The following XKR6 variants were observed in gnomAD, a reference collection of about 807,000 sequenced individuals.
XKR6 encodes XK-related protein 6.
In XKR6, 22 loss-of-function variants were observed where a neutral mutation model predicts 56.7. The ratio of observed to expected loss-of-function variants is 0.39; its 90% CI spans 0.28 to 0.55. The LOEUF (loss-of-function observed/expected upper bound fraction) is 0.55. XKR6 is among the 20% of genes least tolerant of loss of function. XKR6 has a pLI of 0.66. For missense variants in XKR6, 852 were observed against 889.0 expected (o/e 0.96, Z 0.53); for synonymous variants, 524 against 387.8 (o/e 1.35, Z -4.13).
chr8:11,052,882 C>G (rs1417863118), intron 1 of XKR6, among the ~76,000 whole-genome samples: 1 of 152,206 alleles, frequency 6.6e-6, no homozygotes, highest in African/African-American at 2.4e-5. Context: ...CCTAGGCTTC[C>G]TGGCCACCTG....
chr8:11,097,799 C>G, intron 1 of XKR6, among the ~76,000 whole-genome samples: 1 of 120,972 alleles, frequency 8.3e-6, no homozygotes, highest in African/African-American at 3.8e-5. Context: ...AAGAGCTAGA[C>G]TCCATCTCAA....
chr8:11,104,973 G>C (rs1798623681), intron 1 of XKR6: 1 of 152,134 alleles, frequency 6.6e-6, no homozygotes, highest in Admixed American at 6.5e-5. Flanking sequence ...GGATGGTGAC[G>C]GCTGTCCTTT....
chr8:11,196,892 T>G (rs911053202), intron 1 of XKR6, among the ~76,000 whole-genome samples: 4 of 152,124 alleles, frequency 2.6e-5, no homozygotes, highest in Admixed American at 6.5e-5. Context: ...TATCCCTACA[T>G]AGAGGAGCAG....
intron 1 of XKR6, among the ~76,000 whole-genome samples, chr8:11,140,915 A>C (rs1489428846): frequency 2.0e-5 from 3 of 151,772 alleles, no homozygotes; most frequent in Admixed American, 6.6e-5. Context: ...AAAAAAAAAA[A>C]ACCTTCCTGA....
Position 10,927,632 on chromosome 8 carries a change from G to T in XKR6, c.765-2802C>A, listed in dbSNP as rs145192399. Among the ~76,000 whole-genome samples the T allele has an allele frequency of 3.3e-5, 5 of 152,198 alleles. No individual in the cohort carries two copies. In the South Asian group the frequency reaches 1.0e-3, roughly 32 times the overall value. On this transcript the variant is annotated intron_variant, in intron 1 of 2. Transcript: ENST00000416569. Reference sequence around the variant, plus strand: ...GGGAGCACCAGTTCTACCCTTCCACGCCACATTCTCCCAAAGCCACAGGCC... The same window carrying T: ...GGGAGCACCAGTTCTACCCTTCCACTCCACATTCTCCCAAAGCCACAGGCC...
intron 1 of XKR6, among the ~76,000 whole-genome samples, chr8:11,101,645 G>A (rs763433685): frequency 7.2e-5 from 11 of 152,124 alleles, no homozygotes; most frequent in Non-Finnish European, 1.3e-4. Context: ...CCTCCTTGGT[G>A]GAAACTCTCA....
At chr8:11,188,703 CCAAA>C (rs1416452247) in intron 1 of XKR6, among the ~76,000 whole-genome samples, 1 of 152,084 alleles carries the variant, frequency 6.6e-6, no homozygotes, top group Non-Finnish European at 1.5e-5. Flanking sequence ...TTCCTTATGA[CCAAA>C]CAAAATGACA....
At chr8:10,967,470 G>A (rs567596172) in intron 1 of XKR6, among the ~76,000 whole-genome samples, 8 of 152,310 alleles carry the variant, frequency 5.3e-5, no homozygotes, top group African/African-American at 1.7e-4. Context: ...GGGGCTGCCC[G>A]AAGAGGCTGT....
At chr8:11,012,538 A>G (rs1563345354) in intron 1 of XKR6, among the ~76,000 whole-genome samples, 1 of 152,090 alleles carries the variant, frequency 6.6e-6, no homozygotes, top group Non-Finnish European at 1.5e-5. Context: ...GTCCCTGGCT[A>G]CATCCCTAGT....
At chr8:11,073,125 A>G (rs1273018766) in intron 1 of XKR6, among the ~76,000 whole-genome samples, 3 of 152,194 alleles carry the variant, frequency 2.0e-5, no homozygotes, top group African/African-American at 4.8e-5. Context: ...GGTCCTGTCT[A>G]TCTTTTCCTG....
intron 1 of XKR6, among the ~76,000 whole-genome samples, chr8:11,088,851 T>G (rs994405855): frequency 1.3e-5 from 2 of 152,188 alleles, no homozygotes; most frequent in Non-Finnish European, 2.9e-5. Flanking sequence ...TGTGATCAAT[T>G]CCATGTTAGA....
chr8:11,153,013 C>T (rs979495032), intron 1 of XKR6, among the ~76,000 whole-genome samples: 1 of 152,128 alleles, frequency 6.6e-6, no homozygotes, highest in South Asian at 2.1e-4. Flanking sequence ...GTAATACTAA[C>T]AAAATCTTGC....
intron 1 of XKR6, among the ~76,000 whole-genome samples, chr8:11,162,009 TCA>T (rs1335845345): frequency 6.6e-6 from 1 of 152,148 alleles, no homozygotes; most frequent in African/African-American, 2.4e-5. Context: ...TCGTCCCACT[TCA>T]CAGAGTTCTA....
intron 1 of XKR6, among the ~76,000 whole-genome samples, chr8:11,190,702 A>G (rs1289935285): frequency 1.3e-5 from 2 of 152,178 alleles, no homozygotes; most frequent in African/African-American, 4.8e-5. Flanking sequence ...GAAGAATATC[A>G]TTCCTCCATC....
chr8:11,123,900 TC>T (rs1447808312), intron 1 of XKR6: 1 of 456,128 alleles, frequency 2.2e-6, no homozygotes, highest in Admixed American at 2.3e-5. Context: ...GGACTGCCCT[TC>T]CCTCCCTCAT....
chr8:11,082,035 G>A (rs1586519463), intron 1 of XKR6, among the ~76,000 whole-genome samples: 2 of 152,208 alleles, frequency 1.3e-5, no homozygotes, highest in African/African-American at 4.8e-5. Context: ...GGTGCCAGTT[G>A]GAGGGGAGCT....
chr8:11,123,367 T>C (rs1799553750), intron 1 of XKR6: 1 of 154,518 alleles, frequency 6.5e-6, no homozygotes, highest in Admixed American at 6.3e-5. Flanking sequence ...CATAAAGATT[T>C]TTTGTTTTTT....
chr8:10,994,657 T>G (rs1002549640), intron 1 of XKR6, among the ~76,000 whole-genome samples: 64 of 152,226 alleles, frequency 4.2e-4, no homozygotes, highest in African/African-American at 1.4e-3. Flanking sequence ...GCATTGAGTG[T>G]GTACTCTCCA....
At chr8:11,005,584 C>T (rs1474202167) in intron 1 of XKR6, among the ~76,000 whole-genome samples, 1 of 151,996 alleles carries the variant, frequency 6.6e-6, no homozygotes, top group Non-Finnish European at 1.5e-5. Context: ...TTATAATTTC[C>T]CACAATGAAA....
Sources: allele counts gnomAD v4.1 joint callset (sites outside exome capture counted in the v4.1 genomes callset), GRCh38; gene constraint gnomAD v4.1.1; transcripts MANE v1.5; gene names NCBI Gene and HGNC (gene_info 2026-07-23, HGNC 2026-07-21).